CERS6: variants seen among roughly 807,000 people sequenced by gnomAD.
The protein encoded by CERS6 is LAG1 homolog, ceramide synthase 6.
A neutral mutation model predicts 56.8 loss-of-function variants in CERS6; 26 were observed. That is an observed-to-expected ratio of 0.46 (90% CI 0.34 to 0.63). The LOEUF is 0.63. CERS6 is among the 30% of genes least tolerant of loss of function. The pLI is 0.01. For missense variants in CERS6, 415 were observed against 467.5 expected (o/e 0.89, Z 1.04); for synonymous variants, 164 against 173.3 (o/e 0.95, Z 0.42).
chr2:168,615,413 C>T (rs959046128), intron 3 of CERS6, among the ~76,000 whole-genome samples: 1 of 151,490 alleles, frequency 6.6e-6, no homozygotes, highest in Non-Finnish European at 1.5e-5. Context: ...AGTAATTAAG[C>T]TAATCAAGGA....
chr2:168,553,606 G>T (rs1235075987), intron 2 of CERS6, among the ~76,000 whole-genome samples: 1 of 152,108 alleles, frequency 6.6e-6, no homozygotes, highest in Non-Finnish European at 1.5e-5. Flanking sequence ...CTCTGTAAAG[G>T]TTATAGACAT....
intron 1 of CERS6, among the ~76,000 whole-genome samples, chr2:168,494,905 T>C (rs1041241484): frequency 6.6e-6 from 1 of 152,178 alleles, no homozygotes; most frequent in Non-Finnish European, 1.5e-5. Flanking sequence ...CAGATGTTCC[T>C]TATAGATAAG....
At chr2:168,601,891 T>C (rs1277461790) in intron 3 of CERS6, among the ~76,000 whole-genome samples, 1 of 152,192 alleles carries the variant, frequency 6.6e-6, no homozygotes. Flanking sequence ...CAAATTTTAT[T>C]CATAGATCTT....
chr2:168,580,840 A>G (rs947695021), intron 3 of CERS6, among the ~76,000 whole-genome samples: 2 of 152,038 alleles, frequency 1.3e-5, no homozygotes, highest in African/African-American at 4.8e-5. Flanking sequence ...TCTTGCTTAC[A>G]TGCTTGCCAC....
intron 2 of CERS6, 51 bp from the exon 3 acceptor site, chr2:168,561,141 G>A (rs1012139001): frequency 6.2e-7 from 1 of 1,602,304 alleles, no homozygotes; most frequent in Non-Finnish European, 8.5e-7. Flanking sequence ...TCTGTTTATA[G>A]TGAAAATGAA....
chr2:168,678,129 A>G (rs1686112095), intron 4 of CERS6, among the ~76,000 whole-genome samples: 1 of 152,224 alleles, frequency 6.6e-6, no homozygotes, highest in South Asian at 2.1e-4. Context: ...TGTGGAAGTC[A>G]GTGTGGCAGC....
chr2:168,680,246 A>T (rs1272340276), intron 4 of CERS6, among the ~76,000 whole-genome samples: 1 of 152,158 alleles, frequency 6.6e-6, no homozygotes, highest in Non-Finnish European at 1.5e-5. Flanking sequence ...GGAAGAGTGG[A>T]CTTAGTCGTG....
At chr2:168,526,123 A>T (rs1695067068) in intron 1 of CERS6, among the ~76,000 whole-genome samples, 1 of 152,188 alleles carries the variant, frequency 6.6e-6, no homozygotes, top group Non-Finnish European at 1.5e-5. Context: ...TGTTTGGGTA[A>T]TGCAAATTTG....
intron 1 of CERS6, among the ~76,000 whole-genome samples, chr2:168,476,714 G>A (rs12465461): frequency 0.19 from 29,434 of 151,952 alleles, 3,106 homozygotes; most frequent in Non-Finnish European, 0.24. Flanking sequence ...GATGTCCAGA[G>A]GCGGGAGGAG....
chr2:168,703,331 C>A (rs1217238071), intron 6 of CERS6, among the ~76,000 whole-genome samples: 1 of 152,006 alleles, frequency 6.6e-6, no homozygotes, highest in African/African-American at 2.4e-5. Flanking sequence ...ACGAGGCAGG[C>A]GGATCACTTG....
intron 1 of CERS6, among the ~76,000 whole-genome samples, chr2:168,469,238 TG>T (rs1338865220): frequency 6.6e-6 from 1 of 152,230 alleles, no homozygotes; most frequent in Non-Finnish European, 1.5e-5. Context: ...AGAAGGAATT[TG>T]CACCTGCTTT....
At chr2:168,701,663 G>T (rs117759047) in intron 6 of CERS6, among the ~76,000 whole-genome samples, 2 of 151,918 alleles carry the variant, frequency 1.3e-5, no homozygotes, top group African/African-American at 4.8e-5. Context: ...ACCAACCCCC[G>T]CCCCCGAGGA....
At chr2:168,628,890 C>A (rs1030065470) in intron 3 of CERS6, among the ~76,000 whole-genome samples, 1 of 151,302 alleles carries the variant, frequency 6.6e-6, no homozygotes, top group East Asian at 1.9e-4. Context: ...TTCATGGGTG[C>A]ATGAACTTTA....
chr2:168,465,497 G>A (rs755942670), intron 1 of CERS6, among the ~76,000 whole-genome samples: 3 of 152,166 alleles, frequency 2.0e-5, no homozygotes, highest in Non-Finnish European at 2.9e-5. Context: ...AGGTTTCAAC[G>A]TGAATTTTGG....
At chr2:168,496,010 A>G (rs2105341810) in intron 1 of CERS6, among the ~76,000 whole-genome samples, 1 of 152,342 alleles carries the variant, frequency 6.6e-6, no homozygotes, top group Non-Finnish European at 1.5e-5. Flanking sequence ...GCACATGCAC[A>G]CATGCTTTAT....
chr2:168,667,119 C>A (rs1286160615), intron 4 of CERS6, among the ~76,000 whole-genome samples: 1 of 152,206 alleles, frequency 6.6e-6, no homozygotes, highest in African/African-American at 2.4e-5. Flanking sequence ...TTTATTTTTT[C>A]TTTTCATTAT....
intron 8 of CERS6, among the ~76,000 whole-genome samples, chr2:168,739,675 A>G (rs931033236): frequency 3.3e-5 from 5 of 152,066 alleles, no homozygotes; most frequent in Admixed American, 3.3e-4. Flanking sequence ...TTTGCTAAGC[A>G]TAAATAGTGG....
At chr2:168,563,544 T>A (rs1695830107) in intron 3 of CERS6, among the ~76,000 whole-genome samples, 3 of 152,174 alleles carry the variant, frequency 2.0e-5, no homozygotes, top group Non-Finnish European at 4.4e-5. Context: ...ACGCCTGTAA[T>A]CCCAGCACTT....
chr2:168,588,866 G>C (rs977470249), intron 3 of CERS6, among the ~76,000 whole-genome samples: 3 of 152,212 alleles, frequency 2.0e-5, no homozygotes, highest in Non-Finnish European at 4.4e-5. Flanking sequence ...AGCCTCCTGA[G>C]GAGCTGGGAC....
Sources: allele counts gnomAD v4.1 joint callset (sites outside exome capture counted in the v4.1 genomes callset), GRCh38; gene constraint gnomAD v4.1.1; transcripts MANE v1.5; gene names NCBI Gene and HGNC (gene_info 2026-07-23, HGNC 2026-07-21).